The following ZBTB10 variants were observed in gnomAD, a reference collection of about 807,000 sequenced individuals.
ZBTB10 encodes the protein zinc finger and BTB domain containing 10.
A neutral mutation model predicts 76.4 loss-of-function variants in ZBTB10; 32 were observed. The ratio of observed to expected loss-of-function variants is 0.42; its 90% CI spans 0.32 to 0.56. The LOEUF (loss-of-function observed/expected upper bound fraction) is 0.56. Among genes scored for constraint, ZBTB10 ranks in the 20% least tolerant of loss-of-function variants. The pLI is 0.14. For missense variants in ZBTB10, 1,057 were observed against 1,098.5 expected (o/e 0.96, Z 0.53); for synonymous variants, 523 against 432.9 (o/e 1.21, Z -2.58).
chr8:80,523,411 A>C lies in ZBTB10; in HGVS notation c.*3883A>C, dbSNP rs1310570076. ...AAGCAGTTGTTTTGTCACTTTGACT[A>C]TATTAAGACACATCAGTGTAGCACA... is the stretch of plus-strand genomic sequence containing the variant. On this transcript the variant is annotated 3_prime_UTR_variant, in exon 6 of 6. Transcript: ENST00000455036. 6.6e-6 allele frequency: 1 copy of C among 151,952 alleles called. No homozygotes were observed. Among genetic ancestry groups the C allele is most frequent in the Non-Finnish European group, 1.5e-5 (1 of 67,882 alleles). The allele number at this position is 151,952 out of a possible 1,614,324, so 9.4% of individuals were successfully genotyped here. A position where few individuals can be genotyped will look rare whatever the true frequency, so the allele number is the denominator to read the frequency against.
chr8:80,503,498 A>ATTATTTAT (rs112133197), intron 2 of ZBTB10, among the ~76,000 whole-genome samples: 4,163 of 151,304 alleles, frequency 0.028, 97 homozygotes, highest in Middle Eastern at 0.058. Flanking sequence ...AGTGTAATTT[A>ATTATTTAT]TTATTTATTT....
Position 80,486,308 on chromosome 8 carries a change from C to G in ZBTB10, c.-503C>G. On this transcript the variant is annotated 5_prime_UTR_variant, in exon 1 of 6. Coordinates refer to ENST00000455036, the MANE Select transcript of ZBTB10 (RefSeq NM_001105539.3). ...TTGTCGCTTCGTTATGTGGCGGAGCCGAGCAGTTTAGCGTGCCTCTCACCC... is the reference window on the plus strand; with the variant it reads ...TTGTCGCTTCGTTATGTGGCGGAGCGGAGCAGTTTAGCGTGCCTCTCACCC... 1 of 1,007,214 alleles carries G rather than the reference C, an allele frequency of 9.9e-7. No individual in the cohort carries two copies. The highest frequency in any genetic ancestry group is 1.2e-6 in the Non-Finnish European group (1 of 845,240). The allele number at this position is 1,007,214 out of a possible 1,614,324, so 62.4% of individuals were successfully genotyped here.
chr8:80,492,947 T>G (rs1298633625), intron 1 of ZBTB10, among the ~76,000 whole-genome samples: 1 of 151,776 alleles, frequency 6.6e-6, no homozygotes, highest in Non-Finnish European at 1.5e-5. Context: ...CAGTGAGTGG[T>G]TCATGCCTGT....
intron 2 of ZBTB10, among the ~76,000 whole-genome samples, chr8:80,507,385 G>A (rs10094511): frequency 0.037 from 5,567 of 151,984 alleles, 237 homozygotes; most frequent in East Asian, 0.23. Flanking sequence ...GGCCGAGGCG[G>A]GTGGTTCACA....
chr8:80,500,127 A>C lies in ZBTB10; in HGVS notation c.1606A>C (p.Ser536Arg), dbSNP rs757493447. ...AATAGAAAACTACCAAATGAATGAC[A>C]GTAGTTGGGTCCAGGATGGATCTCC... ...GQIENYQMNDSSWVQDGSPEM... is the reference protein window; with the variant it reads ...GQIENYQMNDRSWVQDGSPEM... Residue 536 changes from serine (S) to arginine (R), a missense_variant, in exon 2 of 6, where the codon AGT becomes CGT. Physicochemically the swap from Ser to Arg is moderately radical, Grantham distance 110. Transcript: ENST00000455036. 1 of 1,613,930 alleles carries C rather than the reference A, an allele frequency of 6.2e-7. No homozygotes were observed. The highest frequency in any genetic ancestry group is 2.2e-5 in the East Asian group (1 of 44,878).
At position 80,521,387 on chromosome 8, in the gene ZBTB10, T is replaced by C. The variant is rs1178717855; in HGVS notation, c.*1859T>C. 1 of 151,844 alleles carries C rather than the reference T, an allele frequency of 6.6e-6. No homozygotes were observed. Among genetic ancestry groups the C allele is most frequent in the Non-Finnish European group, 1.5e-5 (1 of 67,760 alleles). 9.4% of individuals were successfully genotyped at this position (151,844 alleles called of 1,614,324 possible). On this transcript the variant is annotated 3_prime_UTR_variant, in exon 6 of 6. Transcript: ENST00000455036. ...GTAGAAATTAGTTGGGCAAAGATAC[T>C]ATGAATGAAAAAGTATTTTAAACGT... is the stretch of plus-strand genomic sequence containing the variant.
chr8:80,498,654 C>G (rs1050403222), intron 1 of ZBTB10, among the ~76,000 whole-genome samples: 1 of 152,222 alleles, frequency 6.6e-6, no homozygotes, highest in African/African-American at 2.4e-5. Context: ...GGGATAGTGA[C>G]TTTCCAAGGA....
intron 2 of ZBTB10, among the ~76,000 whole-genome samples, chr8:80,503,676 C>T (rs1402668116): frequency 1.3e-5 from 2 of 151,870 alleles, no homozygotes; most frequent in Non-Finnish European, 2.9e-5. Flanking sequence ...ACCACTGCAC[C>T]CAGCTAATTT....
chr8:80,512,011 A>G (rs1340715156), intron 2 of ZBTB10, among the ~76,000 whole-genome samples: 1 of 152,198 alleles, frequency 6.6e-6, no homozygotes, highest in Non-Finnish European at 1.5e-5. Flanking sequence ...ATACCTGAAC[A>G]GTATCCCCGT....
intron 2 of ZBTB10, among the ~76,000 whole-genome samples, chr8:80,506,692 A>G (rs1161140442): frequency 6.6e-6 from 1 of 151,878 alleles, no homozygotes; most frequent in Non-Finnish European, 1.5e-5. Context: ...TGTTTTCATT[A>G]TAGGGTGCTA....
Position 80,499,475 on chromosome 8 carries a change from G to A in ZBTB10, c.973-19G>A. On this transcript the variant is annotated intron_variant, in intron 1 of 5. Coordinates refer to ENST00000455036, the MANE Select transcript of ZBTB10 (RefSeq NM_001105539.3). ...AAAGTCAATAAAGTTTAATATTAAT[G>A]TTTTTTATCCAATTACAGGAGTCAG... The A allele has an allele frequency of 6.5e-7, 1 of 1,539,072 alleles. No individual in the cohort carries two copies. The highest frequency in any genetic ancestry group is 8.7e-7 in the Non-Finnish European group (1 of 1,145,880).
At position 80,486,694 on chromosome 8, in the gene ZBTB10, G is replaced by T; in HGVS notation, c.-117G>T. On this transcript the variant is annotated 5_prime_UTR_variant, in exon 1 of 6. Coordinates refer to ENST00000455036, the MANE Select transcript of ZBTB10 (RefSeq NM_001105539.3). ...GAGAGGGCGAGGCCGAGCCCCGCGA[G>T]ACCGGAACGCCGGGGGCGGGGGCGA... The T allele has an allele frequency of 3.0e-6, 3 of 994,678 alleles. No individual in the cohort carries two copies. The highest frequency in any genetic ancestry group is 4.5e-5 in the South Asian group (1 of 22,132). 61.6% of individuals were successfully genotyped at this position (994,678 alleles called of 1,614,324 possible). A position where few individuals can be genotyped will look rare whatever the true frequency, so the allele number is the denominator to read the frequency against.
intron 1 of ZBTB10, among the ~76,000 whole-genome samples, chr8:80,490,477 T>A (rs915424725): frequency 6.6e-6 from 1 of 152,146 alleles, no homozygotes; most frequent in Non-Finnish European, 1.5e-5. Context: ...GCTCAAGCAA[T>A]TCTCCCACCT....
chr8:80,495,341 T>C (rs1248700341), intron 1 of ZBTB10, among the ~76,000 whole-genome samples: 1 of 152,106 alleles, frequency 6.6e-6, no homozygotes, highest in East Asian at 1.9e-4. Context: ...TGAAGTTCTT[T>C]TACAAATCTT....
At chr8:80,518,350 TGA>T (rs1816381757) in intron 3 of ZBTB10, 51 bp from the exon 4 acceptor site, 2 of 1,487,156 alleles carry the variant, frequency 1.3e-6, no homozygotes, top group Non-Finnish European at 1.8e-6. Flanking sequence ...CTGACTCTGA[TGA>T]GAGACAGATC....
intron 1 of ZBTB10, among the ~76,000 whole-genome samples, chr8:80,491,818 A>G (rs1014707571): frequency 1.2e-4 from 18 of 152,362 alleles, no homozygotes; most frequent in African/African-American, 3.6e-4. Context: ...TGAAATTTTC[A>G]TAGCCTAAAT....
rs999889488 is a variant in ZBTB10 at position 80,524,565 on chromosome 8, G to C, written c.*5037G>C. On this transcript the variant is annotated 3_prime_UTR_variant, in exon 6 of 6. Transcript: ENST00000455036. ...TTAGGTTATTTCAAAGTTAGTAATA[G>C]AGCAAAGGAAATCAGAACTGGCCAG... is the stretch of plus-strand genomic sequence containing the variant. 6.6e-6 allele frequency: 1 copy of C among 152,042 alleles called. No individual in the cohort carries two copies. Among genetic ancestry groups the C allele is most frequent in the Non-Finnish European group, 1.5e-5 (1 of 67,940 alleles). 9.4% of individuals were successfully genotyped at this position (152,042 alleles called of 1,614,324 possible).
At position 80,524,736 on chromosome 8, in the gene ZBTB10, T is replaced by G. The variant is rs1173081726; in HGVS notation, c.*5208T>G. 6.6e-6 allele frequency: 1 copy of G among 152,060 alleles called. No homozygotes were observed. Among genetic ancestry groups the G allele is most frequent in the Non-Finnish European group, 1.5e-5 (1 of 67,968 alleles). The allele number at this position is 152,060 out of a possible 1,614,324, so 9.4% of individuals were successfully genotyped here. A position where few individuals can be genotyped will look rare whatever the true frequency, so the allele number is the denominator to read the frequency against. On this transcript the variant is annotated 3_prime_UTR_variant, in exon 6 of 6. Transcript: ENST00000455036. ...ATGAGGCAGAAGAATTAAGAAACTT[T>G]ATATGTTTCTAAGGGGTCATGATTG...
rs975642162 is a variant in ZBTB10 at position 80,520,494 on chromosome 8, T to A, written c.*966T>A. Reference sequence around the variant, plus strand: ...AATCATAGAAATAAGTAAAATGATTTGTTTTATAATTTATCCACCATGTCC... The same window carrying A: ...AATCATAGAAATAAGTAAAATGATTAGTTTTATAATTTATCCACCATGTCC... On this transcript the variant is annotated 3_prime_UTR_variant, in exon 6 of 6. Coordinates refer to ENST00000455036, the MANE Select transcript of ZBTB10 (RefSeq NM_001105539.3). 6.6e-6 allele frequency: 1 copy of A among 152,592 alleles called. No homozygotes were observed. The highest frequency in any genetic ancestry group is 1.9e-4 in the East Asian group (1 of 5,192). 9.5% of individuals were successfully genotyped at this position (152,592 alleles called of 1,614,324 possible). A position where few individuals can be genotyped will look rare whatever the true frequency, so the allele number is the denominator to read the frequency against.
Sources: gnomAD v4.1 joint callset for allele counts (sites outside exome capture counted in the v4.1 genomes callset) on GRCh38, gnomAD v4.1.1 for gene constraint, MANE v1.5 for transcripts, NCBI Gene and HGNC (gene_info 2026-07-23, HGNC 2026-07-21) for gene names.